PRUNE2: variants seen among roughly 807,000 people sequenced by gnomAD.
PRUNE2 encodes the protein protein prune homolog 2.
PRUNE2 carries 164 observed loss-of-function variants against 252.0 expected under a neutral mutation model. The ratio of observed to expected loss-of-function variants is 0.65; its 90% CI spans 0.57 to 0.74. The LOEUF (loss-of-function observed/expected upper bound fraction) is 0.74. Ranked by LOEUF, PRUNE2 falls within the 30% of genes least tolerant of loss-of-function variation. The pLI, the probability that PRUNE2 is intolerant of heterozygous loss-of-function variation, is 0.00. For synonymous variants in PRUNE2, 1,292 were observed against 1,350.2 expected, an observed-to-expected ratio of 0.96 and a Z score of 0.94; for missense variants, 3,495 against 3,711.0, an observed-to-expected ratio of 0.94 and a Z score of 1.51.
At chr9:76,671,493 A>T (rs2041469060) in intron 9 of PRUNE2, among the ~76,000 whole-genome samples, 2 of 152,150 alleles carry the variant, frequency 1.3e-5, no homozygotes, top group African/African-American at 4.8e-5. Context: ...GATATTATCC[A>T]GGAGAATGTC....
In PRUNE2 at chr9:76,885,936, T is replaced by A. The variant is rs572704032; in HGVS notation, c.36+19992A>T. On this transcript the variant is annotated intron_variant, in intron 1 of 18. Transcript: ENST00000376718. ...GGTTTACGCCTATAATCCCAGCACTTTGGGAGGCCAAGGTGGCCAGATCAC... is the reference window on the plus strand; with the variant it reads ...GGTTTACGCCTATAATCCCAGCACTATGGGAGGCCAAGGTGGCCAGATCAC... Among the ~76,000 whole-genome samples, 11 of 152,208 alleles carry A rather than the reference T, an allele frequency of 7.2e-5. No homozygotes were observed. In the South Asian group the frequency reaches 1.7e-3, roughly 23 times the overall value.
chr9:76,654,187 AAC>A (rs1848427757), intron 10 of PRUNE2, among the ~76,000 whole-genome samples: 1 of 152,176 alleles, frequency 6.6e-6, no homozygotes, highest in Non-Finnish European at 1.5e-5. Context: ...AGTAGGAGAA[AAC>A]AGTTTGTTGC....
chr9:76,804,510 T>C (rs540643359), intron 6 of PRUNE2, among the ~76,000 whole-genome samples: 40 of 152,352 alleles, frequency 2.6e-4, no homozygotes, highest in African/African-American at 9.4e-4. Flanking sequence ...ATCTTGGTGC[T>C]TCAACATAAC....
chr9:76,855,423 G>C (rs1052785240), intron 1 of PRUNE2, among the ~76,000 whole-genome samples: 1 of 150,650 alleles, frequency 6.6e-6, no homozygotes, highest in Non-Finnish European at 1.5e-5. Context: ...GATTGCTCAT[G>C]ACTATTTTAA....
At chr9:76,899,881 G>A (rs948540318) in intron 1 of PRUNE2, among the ~76,000 whole-genome samples, 2 of 152,202 alleles carry the variant, frequency 1.3e-5, no homozygotes, top group East Asian at 3.9e-4. Context: ...GGAAAAGCCA[G>A]AAAGAAGCTG....
chr9:76,625,030 T>G (rs998888147), intron 16 of PRUNE2: 15 of 1,303,448 alleles, frequency 1.2e-5, no homozygotes, highest in African/African-American at 3.0e-5. Context: ...TACCTCACAC[T>G]TCTCTTATAA....
chr9:76,874,580 G>GA (rs1554821714), intron 1 of PRUNE2, among the ~76,000 whole-genome samples: 2 of 152,104 alleles, frequency 1.3e-5, no homozygotes, highest in Non-Finnish European at 2.9e-5. Context: ...AGTCTAATAG[G>GA]AAAAAGACAG....
At chr9:76,902,762 G>A (rs2133762475) in intron 1 of PRUNE2, among the ~76,000 whole-genome samples, 1 of 152,330 alleles carries the variant, frequency 6.6e-6, no homozygotes, top group Admixed American at 6.5e-5. Flanking sequence ...TAACCAGGCA[G>A]AAGTCAGGCC....
chr9:76,627,849 G>A (rs1339313717), intron 16 of PRUNE2: 2 of 434,510 alleles, frequency 4.6e-6, no homozygotes, highest in Admixed American at 2.5e-5. Context: ...TAAAACAGGG[G>A]TTTACTATAA....
At chr9:76,635,648 C>T (rs757813332) in intron 15 of PRUNE2, among the ~76,000 whole-genome samples, 1 of 151,422 alleles carries the variant, frequency 6.6e-6, no homozygotes, top group Non-Finnish European at 1.5e-5. Context: ...TATGTACACA[C>T]AAAAAAAAGA....
At chr9:76,615,175 T>C (rs1828831037) in intron 18 of PRUNE2, 1 of 985,160 alleles carries the variant, frequency 1.0e-6, no homozygotes, top group Admixed American at 6.2e-5. Flanking sequence ...ATCTGAGGAG[T>C]AAGCCTAAAA....
At chr9:76,837,857 T>C (rs182041045) in intron 4 of PRUNE2, among the ~76,000 whole-genome samples, 1,527 of 151,388 alleles carry the variant, frequency 0.01, 22 homozygotes, top group African/African-American at 0.03. Flanking sequence ...CTGCAAGCTC[T>C]GCCTCCTGGG....
chr9:76,655,865 T>A (rs1849010690), intron 9 of PRUNE2, among the ~76,000 whole-genome samples: 1 of 152,208 alleles, frequency 6.6e-6, no homozygotes, highest in Non-Finnish European at 1.5e-5. Context: ...TTTGTACACA[T>A]CTCTTACTCT....
chr9:76,814,460 GAC>G (rs1303869192), intron 6 of PRUNE2, among the ~76,000 whole-genome samples: 1 of 152,160 alleles, frequency 6.6e-6, no homozygotes, highest in Non-Finnish European at 1.5e-5. Flanking sequence ...AACTGCAGGA[GAC>G]ACTCTGAGCA....
At chr9:76,763,994 G>A (rs540598) in intron 6 of PRUNE2, among the ~76,000 whole-genome samples, 83,553 of 151,604 alleles carry the variant, frequency 0.55, 24,180 homozygotes, top group African/African-American at 0.73. Flanking sequence ...GAGCACCTTA[G>A]GAATTGACCT....
At chr9:76,905,904 C>T (rs2133818779) in intron 1 of PRUNE2, 24 bp downstream of exon 1, 1 of 1,614,186 alleles carries the variant, frequency 6.2e-7, no homozygotes, top group Non-Finnish European at 8.5e-7. Context: ...CGCGCACACA[C>T]ACAGCTTTGC....
intron 6 of PRUNE2, among the ~76,000 whole-genome samples, chr9:76,721,488 T>G (rs1431118959): frequency 9.9e-5 from 15 of 152,246 alleles, no homozygotes; most frequent in Admixed American, 9.8e-4. Flanking sequence ...GAACAAGCAA[T>G]TCCCAGATTT....
At chr9:76,668,188 T>C (rs1336205364) in intron 9 of PRUNE2, among the ~76,000 whole-genome samples, 1 of 152,188 alleles carries the variant, frequency 6.6e-6, no homozygotes, top group Admixed American at 6.5e-5. Flanking sequence ...GAATATATAG[T>C]GCAGAATACT....
chr9:76,857,174 C>G, intron 1 of PRUNE2: 1 of 455,552 alleles, frequency 2.2e-6, no homozygotes, highest in Non-Finnish European at 4.4e-6. Context: ...CCATCCCCAG[C>G]GCATATACAG....
Sources: allele counts gnomAD v4.1 joint callset (sites outside exome capture counted in the v4.1 genomes callset), GRCh38; gene constraint gnomAD v4.1.1; transcripts MANE v1.5; gene names NCBI Gene and HGNC (gene_info 2026-07-23, HGNC 2026-07-21).